The following DIAPH3 variants were observed in gnomAD, a reference collection of about 807,000 sequenced individuals.
DIAPH3 encodes protein diaphanous homolog 3.
Under a neutral mutation model 144.3 loss-of-function variants are expected in DIAPH3, and 117 were observed. The ratio of observed to expected loss-of-function variants is 0.81; its 90% CI spans 0.70 to 0.95. The LOEUF is 0.95. Among genes scored for constraint, DIAPH3 ranks in the 40% least tolerant of loss-of-function variants. The pLI, the probability that DIAPH3 is intolerant of heterozygous loss-of-function variation, is 0.00. For synonymous variants in DIAPH3, 519 were observed against 488.9 expected (o/e 1.06, Z -0.81); for missense variants, 1,421 against 1,412.7 (o/e 1.01, Z -0.09).
chr13:59,901,641 G>C (rs2046440317), intron 20 of DIAPH3, among the ~76,000 whole-genome samples: 1 of 152,140 alleles, frequency 6.6e-6, no homozygotes, highest in Non-Finnish European at 1.5e-5. Flanking sequence ...TTAACTCAGA[G>C]TCTGCAGCAA....
chr13:59,842,173 C>T (rs1025217018), intron 22 of DIAPH3, among the ~76,000 whole-genome samples: 20 of 151,820 alleles, frequency 1.3e-4, no homozygotes, highest in African/African-American at 3.1e-4. Context: ...TCTGGATGGA[C>T]GGGTGAGTGT....
intron 17 of DIAPH3, among the ~76,000 whole-genome samples, chr13:59,925,096 T>G (rs1364907879): frequency 6.6e-6 from 1 of 152,074 alleles, no homozygotes; most frequent in Non-Finnish European, 1.5e-5. Flanking sequence ...TTTGAAGGTC[T>G]AACAGGAAAA....
rs3803205 is a variant in DIAPH3 at position 59,666,437 on chromosome 13, A to T, written c.*147T>A. The T allele has an allele frequency of 0.68, 632,203 of 926,022 alleles. 217,352 individuals carry two copies. The highest frequency in any genetic ancestry group is 0.74 in the East Asian group (27,301 of 37,016). 57.4% of individuals were successfully genotyped at this position (926,022 alleles called of 1,614,324 possible). Reference sequence around the variant, plus strand: ...TCCAGTACATAGAAAAAGCATTGCAATCATATATTTAGCTTTATTTTTCTA... The same window carrying T: ...TCCAGTACATAGAAAAAGCATTGCATTCATATATTTAGCTTTATTTTTCTA... On this transcript the variant is annotated 3_prime_UTR_variant, in exon 28 of 28. Coordinates refer to ENST00000400324, the MANE Select transcript of DIAPH3 (RefSeq NM_001042517.2).
chr13:59,961,844 G>T (rs1223238469), intron 17 of DIAPH3, among the ~76,000 whole-genome samples: 1 of 152,084 alleles, frequency 6.6e-6, no homozygotes, highest in Non-Finnish European at 1.5e-5. Context: ...AGCAAATAAA[G>T]TAACATAAGC....
At chr13:60,111,881 G>T in intron 3 of DIAPH3, 129 bp downstream of exon 3, 2 of 855,926 alleles carry the variant, frequency 2.3e-6, no homozygotes, top group Non-Finnish European at 3.7e-6. Context: ...TGTGGCTGAA[G>T]TGCTATCTTA....
At chr13:59,738,124 G>A (rs769839221) in intron 27 of DIAPH3, among the ~76,000 whole-genome samples, 3 of 152,070 alleles carry the variant, frequency 2.0e-5, no homozygotes, top group Admixed American at 6.6e-5. Context: ...CTGAGATCAC[G>A]CCACTGCACT....
chr13:60,090,159 C>A (rs1451006881), intron 4 of DIAPH3, among the ~76,000 whole-genome samples: 1 of 152,182 alleles, frequency 6.6e-6, no homozygotes, highest in Non-Finnish European at 1.5e-5. Flanking sequence ...CAAAGTGGAA[C>A]TGCCCACCAG....
At chr13:60,120,243 T>G (rs1218125765) in intron 2 of DIAPH3, among the ~76,000 whole-genome samples, 1 of 152,196 alleles carries the variant, frequency 6.6e-6, no homozygotes, top group Non-Finnish European at 1.5e-5. Flanking sequence ...TAAGCACTAG[T>G]GACATCACTG....
intron 24 of DIAPH3, among the ~76,000 whole-genome samples, chr13:59,822,604 C>A (rs1444819986): frequency 6.6e-6 from 1 of 151,956 alleles, no homozygotes; most frequent in Non-Finnish European, 1.5e-5. Flanking sequence ...ACATGCCTGG[C>A]TAATTTTTTT....
chr13:59,963,777 T>C (rs1399794672), intron 17 of DIAPH3, among the ~76,000 whole-genome samples: 1 of 152,170 alleles, frequency 6.6e-6, no homozygotes, highest in East Asian at 1.9e-4. Context: ...AGGCTGGTCA[T>C]GAACTCCTGG....
At chr13:60,162,312 G>C (rs1952328873) in intron 1 of DIAPH3, among the ~76,000 whole-genome samples, 1 of 152,244 alleles carries the variant, frequency 6.6e-6, no homozygotes, top group South Asian at 2.1e-4. Flanking sequence ...AACACCTCCT[G>C]TATTCTGGAC....
chr13:59,824,870 T>G (rs1476132400), intron 24 of DIAPH3, among the ~76,000 whole-genome samples: 1 of 152,106 alleles, frequency 6.6e-6, no homozygotes, highest in Non-Finnish European at 1.5e-5. Context: ...AGAAGTGTAG[T>G]GGCCTTTTTC....
chr13:59,800,233 T>G (rs937485229), intron 25 of DIAPH3, among the ~76,000 whole-genome samples: 8 of 152,352 alleles, frequency 5.3e-5, no homozygotes, highest in Middle Eastern at 3.4e-3. Flanking sequence ...CCTCAGTTTC[T>G]AAGAATGGTA....
chr13:60,010,601 T>C lies in DIAPH3; in HGVS notation c.840A>G (p.Arg280=). The C allele has an allele frequency of 6.2e-7, 1 of 1,613,776 alleles. No individual in the cohort carries two copies. The highest frequency in any genetic ancestry group is 8.5e-7 in the Non-Finnish European group (1 of 1,179,810). Residue 280 remains arginine (R), a synonymous_variant, in exon 8 of 28, where the codon AGA becomes AGG. Transcript: ENST00000400324. The part of the protein sequence containing the change: ...LSLLAKAVDP[R]HPNMMTDVVK... ...CCACATCTGTCATCATATTGGGGTG[T>C]CTGGGATCCACGGCTTTGGCCAATA...
At chr13:60,093,075 T>C (rs930331510) in intron 4 of DIAPH3, among the ~76,000 whole-genome samples, 2 of 152,236 alleles carry the variant, frequency 1.3e-5, no homozygotes, top group African/African-American at 2.4e-5. Flanking sequence ...ATTGATTCTG[T>C]GTGCCAGTCA....
chr13:60,110,118 C>G (rs1212081957), intron 3 of DIAPH3, among the ~76,000 whole-genome samples: 2 of 152,138 alleles, frequency 1.3e-5, no homozygotes, highest in African/African-American at 4.8e-5. Context: ...TCAGCACAGT[C>G]TTTCAAAGGA....
intron 17 of DIAPH3, among the ~76,000 whole-genome samples, chr13:59,933,774 T>C (rs571709404): frequency 6.6e-6 from 1 of 152,324 alleles, no homozygotes; most frequent in South Asian, 2.1e-4. Context: ...AAAGTTCCTA[T>C]GTTGCCAAGA....
chr13:59,935,045 G>C (rs372780871), intron 17 of DIAPH3, among the ~76,000 whole-genome samples: 2 of 152,196 alleles, frequency 1.3e-5, no homozygotes, highest in African/African-American at 4.8e-5. Context: ...AACAACACGT[G>C]CTTGCACTGC....
intron 24 of DIAPH3, among the ~76,000 whole-genome samples, chr13:59,818,658 G>A (rs2040907903): frequency 6.6e-6 from 1 of 151,476 alleles, no homozygotes; most frequent in South Asian, 2.1e-4. Context: ...TATTCTTCTG[G>A]GACTTTATAC....
Sources: allele counts gnomAD v4.1 joint callset (sites outside exome capture counted in the v4.1 genomes callset), GRCh38; gene constraint gnomAD v4.1.1; transcripts MANE v1.5; gene names NCBI Gene and HGNC (gene_info 2026-07-23, HGNC 2026-07-21).